Variants in CCDC7 observed in about 807,000 individuals in gnomAD.
CCDC7 encodes coiled-coil domain containing 7.
In CCDC7, 183 loss-of-function variants were observed where a neutral mutation model predicts 196.9. The observed-to-expected ratio is 0.93, with a 90% CI of 0.82 to 1.05. CCDC7 has a LOEUF of 1.05. CCDC7 is among the 50% of genes least tolerant of loss of function. The pLI, the probability that CCDC7 is intolerant of heterozygous loss-of-function variation, is 0.00. For missense variants in CCDC7, 1,540 were observed against 1,482.2 expected (o/e 1.04, Z -0.64); for synonymous variants, 525 against 484.6 (o/e 1.08, Z -1.10).
intron 41 of CCDC7, among the ~76,000 whole-genome samples, chr10:32,864,531 A>C (rs1449010332): frequency 6.6e-6 from 1 of 151,358 alleles, no homozygotes; most frequent in Non-Finnish European, 1.5e-5. Context: ...AATGCAATTA[A>C]AATCAGAAAT....
chr10:32,666,116 TTTTC>T (rs2072628464), intron 21 of CCDC7, among the ~76,000 whole-genome samples: 1 of 105,778 alleles, frequency 9.5e-6, no homozygotes, highest in African/African-American at 4.0e-5. Flanking sequence ...AGAGTATTCT[TTTTC>T]TTTTTTTTTT....
At position 32,681,019 on chromosome 10, in the gene CCDC7, T is replaced by C. The variant is rs192195457; in HGVS notation, c.2123-4951T>C. ...GTGAGCACCCCTTGGTTACTACATGTCCCTGAGTGCTTTCCTGGAGAGCCC... is the reference window on the plus strand; with the variant it reads ...GTGAGCACCCCTTGGTTACTACATGCCCCTGAGTGCTTTCCTGGAGAGCCC... On this transcript the variant is annotated intron_variant, in intron 21 of 41. Transcript: ENST00000639629. Among the ~76,000 whole-genome samples the C allele has an allele frequency of 7.2e-5, 11 of 152,318 alleles. No homozygotes were observed. In the East Asian group the frequency reaches 2.1e-3, roughly 29 times the overall value.
intron 14 of CCDC7, among the ~76,000 whole-genome samples, chr10:32,566,259 A>G (rs890191840): frequency 2.0e-5 from 3 of 152,200 alleles, no homozygotes; most frequent in Non-Finnish European, 4.4e-5. Context: ...ATAGAAGTAT[A>G]AAAGATATTT....
At chr10:32,792,205 C>T (rs1421318791) in intron 29 of CCDC7, among the ~76,000 whole-genome samples, 1 of 152,130 alleles carries the variant, frequency 6.6e-6, no homozygotes, top group African/African-American at 2.4e-5. Context: ...CAAGGGATTT[C>T]TTCAAGTGGA....
chr10:32,545,208 C>T (rs1390851553), intron 13 of CCDC7, among the ~76,000 whole-genome samples: 1 of 152,144 alleles, frequency 6.6e-6, no homozygotes, highest in African/African-American at 2.4e-5. Context: ...TGGTAAAAAA[C>T]CAATGACAGA....
At chr10:32,603,756 A>G (rs935638359) in intron 18 of CCDC7, among the ~76,000 whole-genome samples, 8 of 152,052 alleles carry the variant, frequency 5.3e-5, no homozygotes, top group Non-Finnish European at 1.2e-4. Flanking sequence ...TGTTGTCTTT[A>G]AGAAATGTCT....
intron 24 of CCDC7, among the ~76,000 whole-genome samples, chr10:32,707,875 T>C (rs2141793220): frequency 6.6e-6 from 1 of 152,024 alleles, no homozygotes; most frequent in Admixed American, 6.5e-5. Flanking sequence ...AGAATCAATA[T>C]CGTGAAAATG....
chr10:32,496,393 T>G (rs187399439), intron 9 of CCDC7, among the ~76,000 whole-genome samples: 1 of 152,342 alleles, frequency 6.6e-6, no homozygotes, highest in East Asian at 1.9e-4. Flanking sequence ...CTTGCCTGAT[T>G]GCCCTGGCCA....
At chr10:32,562,721 T>C (rs2055964998) in intron 13 of CCDC7, among the ~76,000 whole-genome samples, 1 of 149,690 alleles carries the variant, frequency 6.7e-6, no homozygotes, top group Admixed American at 6.6e-5. Flanking sequence ...CTGGAAGCAT[T>C]CCCTTTGAAA....
chr10:32,806,531 T>C (rs2085902487), intron 30 of CCDC7, among the ~76,000 whole-genome samples: 2 of 151,950 alleles, frequency 1.3e-5, no homozygotes, highest in African/African-American at 2.4e-5. Context: ...ATAGAAGATA[T>C]CTACAAAGAG....
chr10:32,644,045 C>T (rs12220874), intron 20 of CCDC7, among the ~76,000 whole-genome samples: 21,002 of 151,948 alleles, frequency 0.14, 1,764 homozygotes, highest in East Asian at 0.25. Context: ...CTAAGCCTCT[C>T]TTCCTTTTTA....
chr10:32,863,660 C>G (rs900344004), intron 41 of CCDC7, among the ~76,000 whole-genome samples: 5 of 151,904 alleles, frequency 3.3e-5, no homozygotes, highest in Admixed American at 2.6e-4. Context: ...AAAGAATAGT[C>G]TCTTCAATAA....
At chr10:32,658,886 G>T (rs1254386463) in intron 20 of CCDC7, among the ~76,000 whole-genome samples, 3 of 152,100 alleles carry the variant, frequency 2.0e-5, no homozygotes, top group African/African-American at 7.2e-5. Flanking sequence ...GTGGTCAGTT[G>T]TAATGTCTCA....
intron 32 of CCDC7, among the ~76,000 whole-genome samples, chr10:32,831,726 C>T (rs2092197455): frequency 6.6e-6 from 1 of 152,158 alleles, no homozygotes; most frequent in Admixed American, 6.6e-5. Context: ...AGTGGAAAGT[C>T]TTCAGGGAAA....
intron 41 of CCDC7, among the ~76,000 whole-genome samples, chr10:32,867,332 C>T (rs959170107): frequency 2.6e-5 from 4 of 151,452 alleles, no homozygotes; most frequent in Non-Finnish European, 4.4e-5. Context: ...CAAGTTACCC[C>T]TCTATAGTTC....
At chr10:32,848,573 T>G in intron 38 of CCDC7, 23 bp from the exon 40 acceptor site, 2 of 1,417,458 alleles carry the variant, frequency 1.4e-6, no homozygotes, top group Non-Finnish European at 2.0e-6. Flanking sequence ...TCATGCACTT[T>G]TTCTTTTAAA....
At chr10:32,655,373 A>T (rs949450854) in intron 20 of CCDC7, among the ~76,000 whole-genome samples, 1 of 152,106 alleles carries the variant, frequency 6.6e-6, no homozygotes, top group East Asian at 1.9e-4. Flanking sequence ...TTCTTTCTCC[A>T]GTTTCTCACC....
chr10:32,672,094 G>A (rs778357371), intron 21 of CCDC7, among the ~76,000 whole-genome samples: 7 of 152,176 alleles, frequency 4.6e-5, no homozygotes, highest in Non-Finnish European at 1.0e-4. Context: ...GAACTGAGAT[G>A]TGAAGCACAG....
chr10:32,601,962 G>T (rs2061074217), intron 18 of CCDC7, among the ~76,000 whole-genome samples: 1 of 152,102 alleles, frequency 6.6e-6, no homozygotes, highest in Admixed American at 6.6e-5. Context: ...GCCAAATAAG[G>T]GAATAAAAGC....
Sources: allele counts gnomAD v4.1 joint callset (sites outside exome capture counted in the v4.1 genomes callset), GRCh38; gene constraint gnomAD v4.1.1; transcripts MANE v1.5; gene names NCBI Gene and HGNC (gene_info 2026-07-23, HGNC 2026-07-21).